TAPT1: variants seen among roughly 807,000 people sequenced by gnomAD.
TAPT1 encodes transmembrane anterior posterior transformation 1.
A neutral mutation model predicts 65.6 loss-of-function variants in TAPT1; 28 were observed. The observed-to-expected ratio is 0.43, with a 90% confidence interval of 0.32 to 0.59. The LOEUF (loss-of-function observed/expected upper bound fraction) is 0.59, where lower values mean the gene tolerates loss of function less well. Among genes scored for constraint, TAPT1 ranks in the 20% least tolerant of loss-of-function variants. The pLI, the probability that TAPT1 is intolerant of heterozygous loss-of-function variation, is 0.09. For synonymous variants in TAPT1, 278 were observed against 245.2 expected, an observed-to-expected ratio of 1.13 and a Z score of -1.25; for missense variants, 563 against 679.9, an observed-to-expected ratio of 0.83 and a Z score of 1.91.
chr4:16,213,167 G>A (rs1750741985), intron 2 of TAPT1, among the ~76,000 whole-genome samples: 1 of 152,140 alleles, frequency 6.6e-6, no homozygotes, highest in Admixed American at 6.5e-5. Context: ...CTCTAGCATC[G>A]CCTAGGGGAG....
At chr4:16,169,848 C>A (rs889792770) in intron 12 of TAPT1, among the ~76,000 whole-genome samples, 1 of 152,228 alleles carries the variant, frequency 6.6e-6, no homozygotes, top group Non-Finnish European at 1.5e-5. Context: ...TACCATGAAA[C>A]TGGAACTCTA....
intron 8 of TAPT1, among the ~76,000 whole-genome samples, chr4:16,177,044 G>A (rs1748377696): frequency 6.6e-6 from 1 of 152,278 alleles, no homozygotes; most frequent in African/African-American, 2.4e-5. Flanking sequence ...ACATTTAAAT[G>A]TCTATTCAAA....
chr4:16,170,467 C>T (rs2149669969), intron 12 of TAPT1, among the ~76,000 whole-genome samples, 186 bp downstream of exon 12: 1 of 152,310 alleles, frequency 6.6e-6, no homozygotes, highest in South Asian at 2.1e-4. Flanking sequence ...ACTATTAATA[C>T]TACTACCAAA....
intron 2 of TAPT1, among the ~76,000 whole-genome samples, chr4:16,212,842 C>G (rs541799128): frequency 6.6e-6 from 1 of 152,336 alleles, no homozygotes; most frequent in South Asian, 2.1e-4. Flanking sequence ...ATTTCTGAAA[C>G]TGTCACTCTA....
At chr4:16,226,605 T>A, upstream of TAPT1, 1 of 399,920 alleles carries the variant, frequency 2.5e-6, no homozygotes. Context: ...CGCGAGCCAT[T>A]GGCGTCAGCG....
intron 1 of TAPT1, among the ~76,000 whole-genome samples, chr4:16,219,968 TGCCTCACTGCCAGAGCCATCGAGTTA>T (rs1417976103): frequency 1.3e-5 from 2 of 152,212 alleles, no homozygotes; most frequent in Non-Finnish European, 2.9e-5. Context: ...GAGGGTACAG[TGCCTCACTGCCAGAGCCATCGAGTTA>T]GCCTCGCTGC....
Position 16,217,828 on chromosome 4 carries a change from C to G in TAPT1, c.200-3930G>C, listed in dbSNP as rs563959218. 6.2e-3 allele frequency among the ~76,000 whole-genome samples: 948 copies of G among 152,290 alleles called. 11 individuals are homozygous for G. The highest frequency in any genetic ancestry group is 0.021 in the African/African-American group (893 of 41,556). ...TGAAAAGCTTCACTCAAGGTAGCAG[C>G]TGCTGCTGATTCAGGAGCCTCTACT... On this transcript the variant is annotated intron_variant, in intron 1 of 13. Transcript: ENST00000405303.
intron 2 of TAPT1, among the ~76,000 whole-genome samples, chr4:16,205,424 T>G (rs1335378092): frequency 6.6e-6 from 1 of 152,132 alleles, no homozygotes; most frequent in East Asian, 1.9e-4. Context: ...AAGCTCTGGG[T>G]CTACTCCTGT....
At chr4:16,210,703 T>C (rs1750600811) in intron 2 of TAPT1, among the ~76,000 whole-genome samples, 1 of 152,180 alleles carries the variant, frequency 6.6e-6, no homozygotes, top group South Asian at 2.1e-4. Context: ...TGCCTCTCAA[T>C]TTAGAAGGCA....
At position 16,214,176 on chromosome 4, in the gene TAPT1, G is replaced by T. The variant is rs191095712; in HGVS notation, c.200-278C>A. ...AGTATTTTTCAAGAGCTCAGTCTTG[G>T]TTCTTACAGGTGATACAGTACCTGG... On this transcript the variant is annotated intron_variant, in intron 1 of 13. Transcript: ENST00000405303. Among the ~76,000 whole-genome samples the T allele has an allele frequency of 1.6e-3, 249 of 152,314 alleles. 1 individual carries two copies. The highest frequency in any genetic ancestry group is 2.7e-3 in the Non-Finnish European group (181 of 68,028).
At chr4:16,179,859 T>C (rs967292885) in intron 7 of TAPT1, among the ~76,000 whole-genome samples, 9 of 151,910 alleles carry the variant, frequency 5.9e-5, no homozygotes, top group African/African-American at 9.7e-5. Context: ...TGGTAAGCCA[T>C]TGACTTCTTT....
chr4:16,220,181 T>C (rs1751166436), intron 1 of TAPT1, among the ~76,000 whole-genome samples: 1 of 152,222 alleles, frequency 6.6e-6, no homozygotes, highest in Admixed American at 6.5e-5. Context: ...GTCCTATAAT[T>C]TTGGCTACAG....
At position 16,224,681 on chromosome 4, in the gene TAPT1, T is replaced by TA. The variant is rs896307315; in HGVS notation, c.199+1577dup. On this transcript the variant is annotated intron_variant, in intron 1 of 13. Transcript: ENST00000405303. ...ATAATGACTTCCTGCAACTATGGGT[T>TA]AAAAAAAATCCAGCCTTAAACATGG... Among the ~76,000 whole-genome samples, 10 of 151,990 alleles carry TA rather than the reference T, an allele frequency of 6.6e-5. No individual in the cohort carries two copies. In the South Asian group the frequency reaches 2.1e-3, roughly 32 times the overall value.
At chr4:16,193,295 G>A (rs1749486797) in intron 3 of TAPT1, among the ~76,000 whole-genome samples, 1 of 152,170 alleles carries the variant, frequency 6.6e-6, no homozygotes, top group African/African-American at 2.4e-5. Context: ...GACTTAAGAT[G>A]GGTATGAAAA....
chr4:16,225,447 T>C (rs1751495314), intron 1 of TAPT1, among the ~76,000 whole-genome samples: 2 of 152,230 alleles, frequency 1.3e-5, no homozygotes, highest in Admixed American at 1.3e-4. Flanking sequence ...AGCTTGAGAA[T>C]TAAAACGTTG....
At chr4:16,209,955 T>C (rs906317989) in intron 2 of TAPT1, among the ~76,000 whole-genome samples, 5 of 152,214 alleles carry the variant, frequency 3.3e-5, no homozygotes, top group Non-Finnish European at 7.3e-5. Flanking sequence ...ATTTCCTCTT[T>C]AGGAAACTGG....
At chr4:16,177,473 C>T (rs1239001899) in intron 8 of TAPT1, among the ~76,000 whole-genome samples, 1 of 152,158 alleles carries the variant, frequency 6.6e-6, no homozygotes, top group African/African-American at 2.4e-5. Flanking sequence ...TGGGCTATCC[C>T]GGCTGACAGT....
At chr4:16,224,814 C>T (rs1195671078) in intron 1 of TAPT1, among the ~76,000 whole-genome samples, 1 of 152,204 alleles carries the variant, frequency 6.6e-6, no homozygotes, top group African/African-American at 2.4e-5. Context: ...ATACTGCAAG[C>T]TCAAGATCTG....
At chr4:16,173,918 A>G (rs971738216) in intron 11 of TAPT1, among the ~76,000 whole-genome samples, 27 of 152,230 alleles carry the variant, frequency 1.8e-4, no homozygotes, top group African/African-American at 6.0e-4. Context: ...TATTTCCATT[A>G]AAAAATGTTT....
Sources: allele counts gnomAD v4.1 joint callset (sites outside exome capture counted in the v4.1 genomes callset), GRCh38; gene constraint gnomAD v4.1.1; transcripts MANE v1.5; gene names NCBI Gene and HGNC (gene_info 2026-07-23, HGNC 2026-07-21).